The following EYS variants were observed in gnomAD, a reference collection of about 807,000 sequenced individuals.
The protein encoded by EYS is EGF-like photoreceptor maintenance factor.
In EYS, 250 loss-of-function variants were observed where a neutral mutation model predicts 282.1. The observed-to-expected ratio is 0.89, with a 90% CI of 0.80 to 0.98. EYS has a LOEUF of 0.98. Ranked by LOEUF, EYS falls within the 50% of genes least tolerant of loss-of-function variation. The pLI is 0.00. For missense variants in EYS, 4,016 were observed against 3,709.0 expected (o/e 1.08, Z -2.15); for synonymous variants, 1,355 against 1,282.9 (o/e 1.06, Z -1.20).
At chr6:64,676,320 A>C (rs1386918159) in intron 22 of EYS, among the ~76,000 whole-genome samples, 1 of 146,166 alleles carries the variant, frequency 6.8e-6, no homozygotes, top group Non-Finnish European at 1.5e-5. Flanking sequence ...ATATATCTAT[A>C]TATATATATC....
In EYS at chr6:64,005,306, T is replaced by G. The variant is rs574577270; in HGVS notation, c.6726-6123A>C. On this transcript the variant is annotated intron_variant, in intron 33 of 42. Coordinates refer to ENST00000503581, the MANE Select transcript of EYS (RefSeq NM_001142800.2). ...AAGTTCTGTTAAGTTCTTTGCCCAC[T>G]TTTTAGTGAGGTTTTTTGTTTTTTG... Among the ~76,000 whole-genome samples, 6 of 152,292 alleles carry G rather than the reference T, an allele frequency of 3.9e-5. No individual in the cohort carries two copies. The South Asian group carries it at 1.2e-3, about 32-fold the overall frequency.
At chr6:65,115,996 T>C (rs1284808035) in intron 12 of EYS, among the ~76,000 whole-genome samples, 2 of 151,918 alleles carry the variant, frequency 1.3e-5, no homozygotes, top group African/African-American at 4.8e-5. Flanking sequence ...TATCTATCTA[T>C]CTATCTATCT....
At chr6:64,306,925 G>C in intron 30 of EYS, 45 bp downstream of exon 30, 1 of 867,344 alleles carries the variant, frequency 1.2e-6, no homozygotes, top group East Asian at 2.7e-5. Flanking sequence ...CTTTTGGTGT[G>C]GTTATTTGAA....
chr6:64,324,432 A>G (rs573036719), intron 29 of EYS, among the ~76,000 whole-genome samples: 1 of 152,342 alleles, frequency 6.6e-6, no homozygotes, highest in Admixed American at 6.5e-5. Flanking sequence ...AAAAGCCAAC[A>G]TGCCTTCATG....
chr6:63,971,945 A>C (rs1271523775), intron 35 of EYS, among the ~76,000 whole-genome samples: 2 of 152,190 alleles, frequency 1.3e-5, no homozygotes, highest in Non-Finnish European at 2.9e-5. Flanking sequence ...ACTAAACTCA[A>C]AGACTTTCCC....
At chr6:65,119,647 C>CTTTT (rs1775471241) in intron 12 of EYS, among the ~76,000 whole-genome samples, 1 of 81,112 alleles carries the variant, frequency 1.2e-5, no homozygotes, top group Admixed American at 1.1e-4. Context: ...TTTTTTTTGC[C>CTTTT]TAAATCAGTT....
chr6:64,507,903 C>A (rs1777263161), intron 26 of EYS, among the ~76,000 whole-genome samples: 2 of 152,132 alleles, frequency 1.3e-5, no homozygotes, highest in Non-Finnish European at 2.9e-5. Context: ...GACTCACAGG[C>A]AAGTACACTT....
chr6:63,815,259 A>G (rs1392133420), intron 36 of EYS, among the ~76,000 whole-genome samples: 1 of 152,132 alleles, frequency 6.6e-6, no homozygotes, highest in Admixed American at 6.6e-5. Flanking sequence ...ATGTACTTCT[A>G]CCTCATTCCT....
At chr6:64,069,421 T>A (rs1209686402) in intron 32 of EYS, among the ~76,000 whole-genome samples, 1 of 152,076 alleles carries the variant, frequency 6.6e-6, no homozygotes, top group African/African-American at 2.4e-5. Flanking sequence ...CTATTGTTTT[T>A]ATCAGTATAT....
At chr6:65,280,580 G>A (rs1177351572) in intron 12 of EYS, among the ~76,000 whole-genome samples, 4 of 151,666 alleles carry the variant, frequency 2.6e-5, no homozygotes, top group Middle Eastern at 3.4e-3. Context: ...TATGAATTTA[G>A]GTTTAATAAA....
At position 64,196,444 on chromosome 6, in the gene EYS, C is replaced by T. The variant is rs1222769607; in HGVS notation, c.6424+34148G>A. ...ATGCTGCTATAAAGACACATGCACA[C>T]GTATGTTTATTGTGGCACTATTCAC... is the stretch of plus-strand genomic sequence containing the variant. On this transcript the variant is annotated intron_variant, in intron 31 of 42. Coordinates refer to ENST00000503581, the MANE Select transcript of EYS (RefSeq NM_001142800.2). Among the ~76,000 whole-genome samples, 7 of 152,232 alleles carry T rather than the reference C, an allele frequency of 4.6e-5. No homozygotes were observed. In the East Asian group the frequency reaches 5.8e-4, roughly 13 times the overall value.
chr6:64,707,845 G>T (rs1771084274), intron 22 of EYS, among the ~76,000 whole-genome samples: 1 of 151,670 alleles, frequency 6.6e-6, no homozygotes, highest in South Asian at 2.1e-4. Flanking sequence ...TAATTATGAG[G>T]TCTTGTTAAA....
intron 22 of EYS, among the ~76,000 whole-genome samples, chr6:64,739,755 T>C (rs1046123226): frequency 6.6e-6 from 1 of 152,106 alleles, no homozygotes; most frequent in Non-Finnish European, 1.5e-5. Context: ...AATACCGACA[T>C]TCCTTCAAAT....
intron 5 of EYS, among the ~76,000 whole-genome samples, chr6:65,483,693 G>A (rs948012374): frequency 1.3e-5 from 2 of 152,070 alleles, no homozygotes; most frequent in African/African-American, 4.8e-5. Context: ...GATAGATGGT[G>A]TATTAGTTCA....
intron 23 of EYS, among the ~76,000 whole-genome samples, chr6:64,621,923 G>C (rs1767457236): frequency 6.6e-6 from 1 of 152,060 alleles, no homozygotes; most frequent in South Asian, 2.1e-4. Flanking sequence ...ATCACTTACT[G>C]GGTGTTCTAC....
intron 26 of EYS, among the ~76,000 whole-genome samples, chr6:64,551,694 G>A (rs1765088616): frequency 6.6e-6 from 1 of 151,800 alleles, no homozygotes; most frequent in African/African-American, 2.4e-5. Flanking sequence ...CCGCCACCAT[G>A]CCCAGCTGAT....
chr6:64,612,182 GA>G (rs1767134574), intron 24 of EYS, among the ~76,000 whole-genome samples: 1 of 151,824 alleles, frequency 6.6e-6, no homozygotes, highest in Non-Finnish European at 1.5e-5. Context: ...TTTTTTCTCA[GA>G]AAATAGTTTC....
intron 29 of EYS, among the ~76,000 whole-genome samples, chr6:64,372,093 G>T (rs941859426): frequency 3.5e-5 from 5 of 143,426 alleles, no homozygotes; most frequent in Non-Finnish European, 7.5e-5. Context: ...ACTTGTTTGT[G>T]TGGCTGCTTT....
intron 36 of EYS, among the ~76,000 whole-genome samples, chr6:63,816,464 G>C (rs747335852): frequency 1.3e-4 from 20 of 152,194 alleles, no homozygotes; most frequent in Non-Finnish European, 2.6e-4. Flanking sequence ...AAGCAGGAAA[G>C]GAGACAGATT....
Sources: allele counts gnomAD v4.1 joint callset (sites outside exome capture counted in the v4.1 genomes callset), GRCh38; gene constraint gnomAD v4.1.1; transcripts MANE v1.5; gene names NCBI Gene and HGNC (gene_info 2026-07-23, HGNC 2026-07-21).